The following REV3L variants were observed in gnomAD, a reference collection of about 807,000 sequenced individuals.
The protein encoded by REV3L is REV3 like, DNA directed polymerase zeta catalytic subunit.
A neutral mutation model predicts 299.4 loss-of-function variants in REV3L; 69 were observed. The ratio of observed to expected loss-of-function variants is 0.23; its 90% CI spans 0.19 to 0.28. The LOEUF is 0.28. REV3L is among the 10% of genes least tolerant of loss of function. The pLI is 1.00. For missense variants in REV3L, 3,128 were observed against 3,693.8 expected, an observed-to-expected ratio of 0.85 and a Z score of 3.97; for synonymous variants, 1,238 against 1,271.4, an observed-to-expected ratio of 0.97 and a Z score of 0.56.
At chr6:111,309,371 T>C (rs1038948591) in intron 30 of REV3L, 15 of 152,346 alleles carry the variant, frequency 9.8e-5, no homozygotes, top group Non-Finnish European at 1.5e-4. Context: ...CCCCGTCTCT[T>C]CTCTGACTGC....
intron 1 of REV3L, chr6:111,431,387 G>A: frequency 3.1e-6 from 3 of 964,574 alleles, no homozygotes; most frequent in South Asian, 1.3e-5. Flanking sequence ...TCATAGCGCT[G>A]AAAGCAGTAA....
chr6:111,309,919 T>C lies in REV3L; in HGVS notation c.8976A>G (p.Pro2992=). Residue 2992 remains proline (P), a synonymous_variant, in exon 30 of 32, where the codon CCA becomes CCG. Transcript: ENST00000368802. ...ATYYITKQIL[P]PLARIFSLIG... ...TAAGTGAGAAGATTCTTGCCAAGGG[T>C]GGAAGGATTTGCTTGGTAATATAGT... 1 of 1,613,870 alleles carries C rather than the reference T, an allele frequency of 6.2e-7. No homozygotes were observed. The highest frequency in any genetic ancestry group is 8.5e-7 in the Non-Finnish European group (1 of 1,179,932).
Position 111,331,759 on chromosome 6 carries a change from T to C in REV3L, c.7951A>G (p.Thr2651Ala), listed in dbSNP as rs764618026. Residue 2651 changes from threonine (T) to alanine (A), a missense_variant, in exon 24 of 32, where the codon ACC (threonine) becomes GCC (alanine). This residue lies in a region of REV3L where 149 missense variants were observed against 286.4 expected (regional missense o/e 0.52). Transcript: ENST00000368802. The part of the protein sequence containing the change: ...GKYDEFKFGC[T>A]SLRVPPDLLY... Reference sequence around the variant, plus strand: ...AAATCTGGAGGTACTCTCAGAGAGGTACAGCCAAATTTGAACTCATCATAC... The same window carrying C: ...AAATCTGGAGGTACTCTCAGAGAGGCACAGCCAAATTTGAACTCATCATAC... 3 of 1,612,810 alleles carry C rather than the reference T, an allele frequency of 1.9e-6. No individual in the cohort carries two copies. In the African/African-American group the frequency reaches 4.0e-5, roughly 22 times the overall value.
intron 2 of REV3L, among the ~76,000 whole-genome samples, chr6:111,412,707 G>C (rs559064107): frequency 1.3e-5 from 2 of 151,196 alleles, no homozygotes; most frequent in Non-Finnish European, 3.0e-5. Context: ...ACATTATTTT[G>C]GGTATAATTT....
chr6:111,427,101 CA>C (rs1273832188), intron 1 of REV3L, among the ~76,000 whole-genome samples: 1 of 152,042 alleles, frequency 6.6e-6, no homozygotes, highest in East Asian at 1.9e-4. Context: ...AAAGCAATAT[CA>C]AAAGTTAATC....
At chr6:111,369,476 A>G (rs1250589929) in intron 13 of REV3L, among the ~76,000 whole-genome samples, 1 of 152,096 alleles carries the variant, frequency 6.6e-6, no homozygotes, top group Non-Finnish European at 1.5e-5. Flanking sequence ...ATGCTTTAAG[A>G]AGAAAATGCT....
rs1019101344 is a variant in REV3L at position 111,443,992 on chromosome 6, GA to G, written c.140-27521del. On this transcript the variant is annotated intron_variant, in intron 1 of 31. Transcript: ENST00000368802. Reference sequence around the variant, plus strand: ...GATTTTAAATATTCCAAACCAAACAGAAAACAGAGTACCATTATTGTCCATG... The same window carrying G: ...GATTTTAAATATTCCAAACCAAACAGAAACAGAGTACCATTATTGTCCATG... Among the ~76,000 whole-genome samples the G allele has an allele frequency of 5.9e-5, 9 of 152,276 alleles. 1 individual carries two copies. Among genetic ancestry groups the G allele is most frequent in the East Asian group, 1.9e-4 (1 of 5,186 alleles).
At chr6:111,405,408 AT>A in intron 4 of REV3L, 61 bp downstream of exon 4, 13 of 1,212,470 alleles carry the variant, frequency 1.1e-5, no homozygotes, top group Non-Finnish European at 1.5e-5. Context: ...CACTGACTAT[AT>A]AACACTTGTT....
At chr6:111,315,688 G>T (rs1479394828) in intron 26 of REV3L, 1 of 284,580 alleles carries the variant, frequency 3.5e-6, no homozygotes, top group African/African-American at 2.1e-5. Flanking sequence ...TACACAAGGG[G>T]TCACTAACCC....
At chr6:111,448,438 A>C (rs551457552) in intron 1 of REV3L, among the ~76,000 whole-genome samples, 3 of 151,996 alleles carry the variant, frequency 2.0e-5, no homozygotes, top group Non-Finnish European at 4.4e-5. Context: ...TCCTAGGCTC[A>C]GATGATCCAC....
intron 21 of REV3L, among the ~76,000 whole-genome samples, chr6:111,337,959 T>C (rs567217248): frequency 3.7e-4 from 57 of 152,238 alleles, no homozygotes; most frequent in Admixed American, 8.5e-4. Flanking sequence ...AGAGCTGACC[T>C]GGAGAAACAT....
chr6:111,441,445 T>C (rs1449473606), intron 1 of REV3L, among the ~76,000 whole-genome samples: 2 of 152,110 alleles, frequency 1.3e-5, no homozygotes. Flanking sequence ...AGAGACAAGG[T>C]CTCACTATGC....
intron 20 of REV3L, among the ~76,000 whole-genome samples, chr6:111,344,610 G>A (rs1384973089): frequency 6.6e-6 from 1 of 152,124 alleles, no homozygotes; most frequent in Non-Finnish European, 1.5e-5. Context: ...GTAAGTGAAA[G>A]CAGTGTTAAT....
intron 1 of REV3L, among the ~76,000 whole-genome samples, chr6:111,440,712 T>C (rs960501937): frequency 2.6e-5 from 4 of 152,248 alleles, no homozygotes; most frequent in Non-Finnish European, 5.9e-5. Flanking sequence ...GATCCAAGTT[T>C]CTCACCTATA....
rs373304798 is a variant in REV3L, at chr6:111,367,615, C to T, written c.6173G>A (p.Cys2058Tyr). The change falls in exon 14 of 32, where the codon TGT (cysteine) becomes TAT (tyrosine). Residue 2058 changes from cysteine (C) to tyrosine (Y), a missense_variant. Cys to Tyr is a radical substitution (Grantham distance 194). This residue lies in a region of REV3L where 2,409 missense variants were observed against 2,611.8 expected (regional missense o/e 0.92). Transcript: ENST00000368802. ...GGTATGTGCTGTAGTGGGGAGTATACATGGACTTACATCCATTTTTGGAGG... is the reference window on the plus strand; with the variant it reads ...GGTATGTGCTGTAGTGGGGAGTATATATGGACTTACATCCATTTTTGGAGG... Reference protein sequence around the residue: ...VVPPKMDVSPCILPTTAHTKE... With the variant: ...VVPPKMDVSPYILPTTAHTKE... 1 of 1,614,150 alleles carries T rather than the reference C, an allele frequency of 6.2e-7. No individual in the cohort carries two copies. The highest frequency in any genetic ancestry group is 8.5e-7 in the Non-Finnish European group (1 of 1,180,022).
At chr6:111,380,946 G>A (rs185059710) in intron 10 of REV3L, among the ~76,000 whole-genome samples, 159 of 152,310 alleles carry the variant, frequency 1.0e-3, no homozygotes, top group Non-Finnish European at 2.1e-3. Context: ...CTGGGACCAT[G>A]GCCCTAGCCA....
chr6:111,473,787 G>A (rs1792549901), intron 1 of REV3L, among the ~76,000 whole-genome samples: 1 of 151,910 alleles, frequency 6.6e-6, no homozygotes, highest in Non-Finnish European at 1.5e-5. Flanking sequence ...GGGGGAGAGG[G>A]GGTCAGTGTG....
At chr6:111,355,980 T>A (rs879257259) in intron 18 of REV3L, among the ~76,000 whole-genome samples, 6 of 152,198 alleles carry the variant, frequency 3.9e-5, no homozygotes, top group African/African-American at 1.4e-4. Context: ...CTCTGTCATT[T>A]AATTTTGTTT....
rs2128352009 is a variant in REV3L at position 111,483,161 on chromosome 6, A to G, written c.-273T>C. 1 of 488,796 alleles carries G rather than the reference A, an allele frequency of 2.0e-6. No individual in the cohort carries two copies. Among genetic ancestry groups the G allele is most frequent in the South Asian group, 3.6e-5 (1 of 27,834 alleles). The allele number at this position is 488,796 out of a possible 1,614,324, so 30.3% of individuals were successfully genotyped here. A position where few individuals can be genotyped will look rare whatever the true frequency, so the allele number is the denominator to read the frequency against. ...GCCGCCACTGCCGCCACCGCCGGGA[A>G]TCACACGGGCTCCTCGGTCCCAGGC... is the stretch of plus-strand genomic sequence containing the variant. On this transcript the variant is annotated 5_prime_UTR_variant, in exon 1 of 32. Transcript: ENST00000368802.
Sources: gnomAD v4.1 joint callset for allele counts (sites outside exome capture counted in the v4.1 genomes callset) on GRCh38, gnomAD v4.1.1 for gene constraint, gnomAD v4.1.1 regional missense constraint, MANE v1.5 for transcripts, NCBI Gene and HGNC (gene_info 2026-07-23, HGNC 2026-07-21) for gene names.